MAN2B2: variants seen among roughly 807,000 people sequenced by gnomAD.
The protein encoded by MAN2B2 is mannosidase alpha class 2B member 2.
MAN2B2 carries 106 observed loss-of-function variants against 117.1 expected under a neutral mutation model. The ratio of observed to expected loss-of-function variants is 0.90; its 90% CI spans 0.77 to 1.06. The LOEUF (loss-of-function observed/expected upper bound fraction) is 1.06, where lower values mean the gene tolerates loss of function less well. MAN2B2 is among the 50% of genes least tolerant of loss of function. The pLI is 0.00. For synonymous variants in MAN2B2, 544 were observed against 595.1 expected (o/e 0.91, Z 1.25); for missense variants, 1,326 against 1,381.4 (o/e 0.96, Z 0.64).
intron 5 of MAN2B2, among the ~76,000 whole-genome samples, chr4:6,591,253 A>G (rs953588221): frequency 2.0e-5 from 3 of 152,172 alleles, no homozygotes; most frequent in East Asian, 1.9e-4. Context: ...CTCTTGTCCA[A>G]TCACCTCCCG....
At chr4:6,578,639 G>C (rs777889131) in intron 3 of MAN2B2, 141 bp downstream of exon 3, 11 of 655,864 alleles carry the variant, frequency 1.7e-5, no homozygotes, top group Non-Finnish European at 2.4e-5. Flanking sequence ...GCAGTGATTT[G>C]CTAGTGCCAT....
At position 6,575,296 on chromosome 4, in the gene MAN2B2, C is replaced by T. The variant is rs201835883; in HGVS notation, c.86C>T (p.Ala29Val). The change falls in exon 1 of 19, where the codon GCC (alanine) becomes GTC (valine). Residue 29 changes from alanine to valine, a missense_variant. Transcript: ENST00000285599. ...GTCCAGTCCGCCGGCCCCATCCGGG[C>T]CTTCGTGGTGCCCCACAGCCACATG... Reference protein sequence around the residue: ...PGVQSAGPIRAFVVPHSHMDV... With the variant: ...PGVQSAGPIRVFVVPHSHMDV... 4.5e-4 allele frequency: 715 copies of T among 1,573,066 alleles called. 2 individuals carry two copies. The highest frequency in any genetic ancestry group is 2.1e-3 in the Admixed American group (116 of 54,998).
chr4:6,621,412 T>G lies in MAN2B2; in HGVS notation c.*127T>G, dbSNP rs978769857. ...AGTCAGCTGCTCATCTGCAGGCTAA[T>G]GGCAGGAAATGGTCATATTTGGGGT... On this transcript the variant is annotated 3_prime_UTR_variant, in exon 19 of 19. Coordinates refer to ENST00000285599, the MANE Select transcript of MAN2B2 (RefSeq NM_015274.3). The G allele has an allele frequency of 1.5e-6, 1 of 672,846 alleles. No individual in the cohort carries two copies. The highest frequency in any genetic ancestry group is 2.1e-5 in the South Asian group (1 of 47,248). 41.7% of individuals were successfully genotyped at this position (672,846 alleles called of 1,614,324 possible).
intron 3 of MAN2B2, among the ~76,000 whole-genome samples, chr4:6,585,476 T>A (rs557346998): frequency 6.6e-6 from 1 of 152,348 alleles, no homozygotes; most frequent in South Asian, 2.1e-4. Flanking sequence ...GGTTTTCTTT[T>A]TCCCTGCAGC....
chr4:6,593,434 C>A, intron 6 of MAN2B2, 84 bp downstream of exon 6: 1 of 1,360,454 alleles, frequency 7.4e-7, no homozygotes. Context: ...CAGGGCCACC[C>A]TATCCAGACC....
At position 6,587,163 on chromosome 4, in the gene MAN2B2, G is replaced by GC. The variant is rs780934193; in HGVS notation, c.562dup (p.Arg188ProfsTer65). 7.7e-5 allele frequency: 124 copies of GC among 1,612,326 alleles called. No homozygotes were observed. The highest frequency in any genetic ancestry group is 3.5e-4 in the Admixed American group (21 of 59,908). ...CGACCTGAAGGCAGCCATGCAGGAG[G>GC]CCCGGGTGAGTGGTGTGCCGCGTCT... On this transcript the variant is annotated frameshift_variant, in exon 4 of 19. Transcript: ENST00000285599. LOFTEE classifies it high-confidence loss of function.
chr4:6,587,342 AG>A (rs1051278145), intron 4 of MAN2B2, among the ~76,000 whole-genome samples, 174 bp downstream of exon 4: 98 of 152,252 alleles, frequency 6.4e-4, no homozygotes, highest in African/African-American at 2.2e-3. Flanking sequence ...CTCCACCAGG[AG>A]GGCCCCCCTC....
intron 16 of MAN2B2, among the ~76,000 whole-genome samples, chr4:6,615,813 T>C (rs1003987953): frequency 1.3e-5 from 2 of 151,708 alleles, no homozygotes; most frequent in Non-Finnish European, 2.9e-5. Context: ...AAAAATTTTT[T>C]TTTTCTTTGA....
At chr4:6,585,275 G>A (rs971550961) in intron 3 of MAN2B2, among the ~76,000 whole-genome samples, 17 of 152,144 alleles carry the variant, frequency 1.1e-4, no homozygotes, top group Non-Finnish European at 2.1e-4. Flanking sequence ...CTGAGGCTCA[G>A]CCAGGGTCCC....
At chr4:6,596,165 C>T (rs1007163570) in intron 7 of MAN2B2, among the ~76,000 whole-genome samples, 4 of 139,528 alleles carry the variant, frequency 2.9e-5, no homozygotes, top group Admixed American at 7.2e-5. Context: ...GCGTGGTATC[C>T]AGGCGGGTGT....
chr4:6,598,183 T>C lies in MAN2B2; in HGVS notation c.1249-15T>C. ...TCCTGATCCTGTTCTTCCTCCCCTC[T>C]GGGGGTTGCTGCAGGTCCAGCACCA... On this transcript the variant is annotated splice_polypyrimidine_tract_variant and intron_variant, in intron 8 of 18. Transcript: ENST00000285599. The C allele has an allele frequency of 2.5e-6, 4 of 1,611,416 alleles. No homozygotes were observed. The highest frequency in any genetic ancestry group is 3.4e-6 in the Non-Finnish European group (4 of 1,178,306).
At chr4:6,609,476 G>A in intron 12 of MAN2B2, 178 bp downstream of exon 12, 1 of 683,776 alleles carries the variant, frequency 1.5e-6, no homozygotes, top group Non-Finnish European at 2.4e-6. Context: ...GTTTGCGTGT[G>A]CTGTGTCACG....
chr4:6,600,812 G>T (rs781779799), intron 10 of MAN2B2, 56 bp downstream of exon 10: 101 of 1,597,950 alleles, frequency 6.3e-5, no homozygotes, highest in Non-Finnish European at 8.2e-5. Context: ...ACCTGCTCTG[G>T]GCCGGGCACA....
chr4:6,599,541 G>A (rs1010278008), intron 9 of MAN2B2, among the ~76,000 whole-genome samples: 5 of 152,100 alleles, frequency 3.3e-5, no homozygotes, highest in African/African-American at 7.2e-5. Flanking sequence ...GCGGGCGCCT[G>A]TAGTCCCAGC....
In MAN2B2 at chr4:6,589,815, C is replaced by T. The variant is rs556384132; in HGVS notation, c.680+655C>T. On this transcript the variant is annotated intron_variant, in intron 5 of 18. Transcript: ENST00000285599. ...GAGATCTTGGCTGGGTGCGGTGCCT[C>T]ATGCCTGTAATCCCAGCACTTTGGG... Among the ~76,000 whole-genome samples, 9 of 152,326 alleles carry T rather than the reference C, an allele frequency of 5.9e-5. No individual in the cohort carries two copies. In the East Asian group the frequency reaches 1.2e-3, roughly 20 times the overall value.
chr4:6,617,319 C>A, intron 16 of MAN2B2, 61 bp from the exon 17 acceptor site: 1 of 1,292,926 alleles, frequency 7.7e-7, no homozygotes. Flanking sequence ...CGGGTATAGA[C>A]CAGGGACATT....
chr4:6,589,767 C>T (rs180844076), intron 5 of MAN2B2, among the ~76,000 whole-genome samples: 8 of 152,242 alleles, frequency 5.3e-5, no homozygotes, highest in Admixed American at 3.3e-4. Flanking sequence ...GTCCCTGTCC[C>T]AAAAGAGGAT....
chr4:6,587,003 C>T lies in MAN2B2; in HGVS notation c.399C>T (p.His133=), dbSNP rs765787339. 2.5e-6 allele frequency: 4 copies of T among 1,613,436 alleles called. No individual in the cohort carries two copies. The highest frequency in any genetic ancestry group is 2.2e-5 in the East Asian group (1 of 44,868). Residue 133 remains histidine, a synonymous_variant, in exon 4 of 19, where the codon CAC becomes CAT. Coordinates refer to ENST00000285599, the MANE Select transcript of MAN2B2 (RefSeq NM_015274.3). ...DDQILQLTEG[H]GFLYETFGIR... is the part of the protein sequence containing the mutation. ...GTGTTGCTGTCTTTGCAGAAGGACA[C>T]GGGTTTCTCTATGAAACATTTGGGA...
In MAN2B2 at chr4:6,609,103, GCAGA is replaced by G; in HGVS notation, c.1816_1819del (p.Gln606ValfsTer7). On this transcript the variant is annotated splice_acceptor_variant and splice_polypyrimidine_tract_variant and coding_sequence_variant and intron_variant, in exon 12 of 19. Coordinates refer to ENST00000285599, the MANE Select transcript of MAN2B2 (RefSeq NM_015274.3). LOFTEE classifies it high-confidence loss of function. ...ATGACATCTTCTCTCTCCTGCCTCT[GCAGA>G]CAGAGTAACCGAACGGTGCGCGTGA... 4 of 1,612,060 alleles carry G rather than the reference GCAGA, an allele frequency of 2.5e-6. No individual in the cohort carries two copies. Among genetic ancestry groups the G allele is most frequent in the South Asian group, 1.1e-5 (1 of 90,820 alleles).
Sources: gnomAD v4.1 joint callset for allele counts (sites outside exome capture counted in the v4.1 genomes callset) on GRCh38, gnomAD v4.1.1 for gene constraint, MANE v1.5 for transcripts, NCBI Gene and HGNC (gene_info 2026-07-23, HGNC 2026-07-21) for gene names.